SLC8A1: variants seen among roughly 807,000 people sequenced by gnomAD.
SLC8A1 encodes sodium/calcium exchanger 1.
Under a neutral mutation model 68.3 loss-of-function variants are expected in SLC8A1, and 18 were observed. The observed-to-expected ratio is 0.26, with a 90% CI of 0.18 to 0.39. SLC8A1 has a LOEUF of 0.39. Ranked by LOEUF, SLC8A1 falls within the 10% of genes least tolerant of loss-of-function variation. The pLI is 1.00. For synonymous variants in SLC8A1, 475 were observed against 415.5 expected (o/e 1.14, Z -1.74); for missense variants, 985 against 1,156.7 (o/e 0.85, Z 2.15).
chr2:40,385,185 T>G (rs971590364), intron 2 of SLC8A1, among the ~76,000 whole-genome samples: 5 of 152,026 alleles, frequency 3.3e-5, no homozygotes, highest in Admixed American at 6.6e-5. Context: ...AGAGCGAGTA[T>G]GTTCTTAACT....
At chr2:40,450,357 TG>T (rs1222704547) in intron 1 of SLC8A1, among the ~76,000 whole-genome samples, 1 of 151,546 alleles carries the variant, frequency 6.6e-6, no homozygotes, top group Admixed American at 6.6e-5. Context: ...TGTGAGTGTG[TG>T]TGTGTGTGTG....
chr2:40,395,947 T>C (rs58215370), intron 2 of SLC8A1, among the ~76,000 whole-genome samples: 8,104 of 152,180 alleles, frequency 0.053, 267 homozygotes, highest in African/African-American at 0.095. Flanking sequence ...CTTATAACTG[T>C]TCATACTGTT....
Position 40,292,616 on chromosome 2 carries a change from A to G in SLC8A1, c.1809-114761T>C, listed in dbSNP as rs2069530807. Among the ~76,000 whole-genome samples, 5 of 152,308 alleles carry G rather than the reference A, an allele frequency of 3.3e-5. No homozygotes were observed. In the South Asian group the frequency reaches 8.3e-4, roughly 25 times the overall value. On this transcript the variant is annotated intron_variant, in intron 2 of 7. Transcript: ENST00000406785. ...TTGAAGACCTAATGGAGAGAAGTGC[A>G]CCCACAGGAGTGACTGTGATCTATT...
rs140900167 is a variant in SLC8A1, at chr2:40,117,722, G to C, written c.2438-2093C>G. On this transcript the variant is annotated intron_variant, in intron 7 of 7. Transcript: ENST00000406785. ...TTGTGTTATCTGCTCTGGTCCTCCTGAGGTCCTGGGCATGCTCTGAGCATG... is the reference window on the plus strand; with the variant it reads ...TTGTGTTATCTGCTCTGGTCCTCCTCAGGTCCTGGGCATGCTCTGAGCATG... Among the ~76,000 whole-genome samples, 17 of 152,296 alleles carry C rather than the reference G, an allele frequency of 1.1e-4. No individual in the cohort carries two copies. The East Asian group carries it at 3.3e-3, about 29-fold the overall frequency.
At chr2:40,390,506 G>C (rs979127056) in intron 2 of SLC8A1, among the ~76,000 whole-genome samples, 1 of 152,076 alleles carries the variant, frequency 6.6e-6, no homozygotes, top group Non-Finnish European at 1.5e-5. Context: ...GAATTTACTA[G>C]AATGTCAATT....
chr2:40,344,201 C>T (rs13032770), intron 2 of SLC8A1, among the ~76,000 whole-genome samples: 38,230 of 152,048 alleles, frequency 0.25, 6,193 homozygotes, highest in East Asian at 0.63. Context: ...TTTAAAATAT[C>T]AAGATGTCAA....
chr2:40,192,105 GA>G (rs1385403525), intron 2 of SLC8A1, among the ~76,000 whole-genome samples: 1 of 151,994 alleles, frequency 6.6e-6, no homozygotes, highest in African/African-American at 2.4e-5. Context: ...TTATATAAGA[GA>G]TTTTTTTCAC....
At chr2:40,418,902 A>C (rs879491444) in intron 2 of SLC8A1, among the ~76,000 whole-genome samples, 4 of 152,082 alleles carry the variant, frequency 2.6e-5, no homozygotes, top group Non-Finnish European at 4.4e-5. Flanking sequence ...TTGCTCCTAG[A>C]GTGGACAGCA....
chr2:40,119,738 A>G (rs928489971), intron 7 of SLC8A1, among the ~76,000 whole-genome samples: 8 of 152,154 alleles, frequency 5.3e-5, no homozygotes, highest in Admixed American at 2.6e-4. Flanking sequence ...TCCTTCATCT[A>G]TGTCCCTGGC....
chr2:40,105,966 G>C (rs1236222335), exon 8 of SLC8A1: 1 of 152,182 alleles, frequency 6.6e-6, no homozygotes, highest in East Asian at 1.9e-4. Flanking sequence ...GTGTGAATGG[G>C]GGCAGGAGAG....
intron 2 of SLC8A1, among the ~76,000 whole-genome samples, chr2:40,410,189 T>A (rs994445664): frequency 6.6e-6 from 1 of 152,098 alleles, no homozygotes; most frequent in African/African-American, 2.4e-5. Flanking sequence ...GTTGTTCGAT[T>A]ATTATAGTAC....
chr2:40,388,975 G>A (rs574018262), intron 2 of SLC8A1, among the ~76,000 whole-genome samples: 6 of 152,088 alleles, frequency 3.9e-5, no homozygotes, highest in African/African-American at 7.2e-5. Context: ...TTTAGGAAAC[G>A]TAAGTGTTCA....
chr2:40,235,483 T>C (rs1021525792), intron 2 of SLC8A1, among the ~76,000 whole-genome samples: 13 of 152,146 alleles, frequency 8.5e-5, no homozygotes, highest in Non-Finnish European at 1.5e-5. Flanking sequence ...ATTTGAGTCT[T>C]CTCTCTTTTT....
intron 2 of SLC8A1, among the ~76,000 whole-genome samples, chr2:40,205,255 AAAAT>A (rs2055171180): frequency 6.6e-6 from 1 of 151,592 alleles, no homozygotes; most frequent in South Asian, 2.1e-4. Flanking sequence ...CATCAATTTA[AAAAT>A]AAATAAAAAC....
intron 2 of SLC8A1, among the ~76,000 whole-genome samples, chr2:40,278,375 G>A (rs558620503): frequency 5.1e-4 from 77 of 152,054 alleles, no homozygotes; most frequent in African/African-American, 1.6e-3. Flanking sequence ...AGGCTGAGGA[G>A]GAAGAATTGC....
chr2:40,253,803 T>G (rs1470481485), intron 2 of SLC8A1, among the ~76,000 whole-genome samples: 4 of 120,468 alleles, frequency 3.3e-5, no homozygotes, highest in Non-Finnish European at 4.7e-5. Flanking sequence ...CTCCAGCCTG[T>G]GCAACAGAGC....
In SLC8A1 at chr2:40,343,125, A is replaced by G; in HGVS notation, c.1808+85348T>C. 1.3e-5 allele frequency among the ~76,000 whole-genome samples: 2 copies of G among 152,252 alleles called. 1 individual carries two copies. On this transcript the variant is annotated intron_variant, in intron 2 of 7. Transcript: ENST00000406785. ...AAAAAAGGAAGACAAAAGATATATG[A>G]TTCAATGTAAAACTTGGGCAAAAAT...
intron 2 of SLC8A1, among the ~76,000 whole-genome samples, chr2:40,412,787 C>G (rs954906661): frequency 4.6e-5 from 7 of 152,138 alleles, no homozygotes; most frequent in Non-Finnish European, 1.5e-5. Context: ...AAGACACCAA[C>G]CTCATTTTAC....
intron 2 of SLC8A1, among the ~76,000 whole-genome samples, chr2:40,326,485 T>A (rs1486700769): frequency 1.3e-5 from 2 of 151,604 alleles, no homozygotes; most frequent in Non-Finnish European, 2.9e-5. Flanking sequence ...CATCAGAGAG[T>A]TATCTTACTG....
Sources: gnomAD v4.1 joint callset for allele counts (sites outside exome capture counted in the v4.1 genomes callset) on GRCh38, gnomAD v4.1.1 for gene constraint, MANE v1.5 for transcripts, NCBI Gene and HGNC (gene_info 2026-07-23, HGNC 2026-07-21) for gene names.